The following LRP5 variants were observed in gnomAD, a reference collection of about 807,000 sequenced individuals.
LRP5 encodes the protein low-density lipoprotein receptor-related protein 5.
A neutral mutation model predicts 154.1 loss-of-function variants in LRP5; 62 were observed. That is an observed-to-expected ratio of 0.40 (90% CI 0.33 to 0.50). LRP5 has a LOEUF of 0.50. Ranked by LOEUF, LRP5 falls within the 20% of genes least tolerant of loss-of-function variation. LRP5 has a pLI of 0.55. For synonymous variants in LRP5, 966 were observed against 1,011.5 expected, an observed-to-expected ratio of 0.96 and a Z score of 0.85; for missense variants, 1,915 against 2,336.7, an observed-to-expected ratio of 0.82 and a Z score of 3.72.
chr11:68,412,638 G>A (rs371260330), intron 11 of LRP5, among the ~76,000 whole-genome samples: 1 of 149,284 alleles, frequency 6.7e-6, no homozygotes, highest in East Asian at 2.0e-4. Context: ...GAGTGAGACC[G>A]TCTCCAAAAA....
intron 1 of LRP5, among the ~76,000 whole-genome samples, chr11:68,321,654 T>A (rs1008821076): frequency 2.0e-5 from 3 of 152,162 alleles, no homozygotes; most frequent in Non-Finnish European, 4.4e-5. Flanking sequence ...CTCACTCCGG[T>A]GTCTGCTCAG....
At chr11:68,395,485 T>C (rs2098648777) in intron 7 of LRP5, among the ~76,000 whole-genome samples, 1 of 151,970 alleles carries the variant, frequency 6.6e-6, no homozygotes. Context: ...TGAGGAGTGA[T>C]GGCGCAGGGC....
At chr11:68,313,230 C>T (rs1440672056) in intron 1 of LRP5, among the ~76,000 whole-genome samples, 4 of 151,656 alleles carry the variant, frequency 2.6e-5, no homozygotes, top group Non-Finnish European at 5.9e-5. Flanking sequence ...GGCCGCGCGG[C>T]CGCCCCGCGT....
rs1447025720 is a variant in LRP5, at chr11:68,353,221, G to GACA, written c.489-4429_489-4428insACA. On this transcript the variant is annotated intron_variant, in intron 2 of 22. Transcript: ENST00000294304. This position sits in a 1 kb window ranked among gnomAD's most constrained non-coding sequence, Gnocchi z 4.5. ...AGCCCTCCCCAGGATCACACCTGTG[G>GACA]CTGTTCACTCCCACCCCTGCCCCTG... Among the ~76,000 whole-genome samples, 1 of 152,168 alleles carries GACA rather than the reference G, an allele frequency of 6.6e-6. No homozygotes were observed. Among genetic ancestry groups the GACA allele is most frequent in the Non-Finnish European group, 1.5e-5 (1 of 68,022 alleles).
chr11:68,331,942 T>G (rs1026448276), intron 1 of LRP5, among the ~76,000 whole-genome samples: 1 of 151,324 alleles, frequency 6.6e-6, no homozygotes, highest in Non-Finnish European at 1.5e-5. Context: ...GTGTGGGGAG[T>G]GGGGTGCTGT....
chr11:68,411,717 T>G, intron 11 of LRP5, 97 bp downstream of exon 11: 2 of 1,296,430 alleles, frequency 1.5e-6, no homozygotes, highest in Non-Finnish European at 2.1e-6. Context: ...GGCCTGCAAG[T>G]TCCCCAACCT....
Position 68,435,617 on chromosome 11 carries a change from G to C in LRP5, c.4001-1272G>C, listed in dbSNP as rs1366405085. 2.0e-5 allele frequency among the ~76,000 whole-genome samples: 3 copies of C among 152,284 alleles called. No individual in the cohort carries two copies. In the East Asian group the frequency reaches 5.8e-4, roughly 29 times the overall value. ...ACTGCGGAGAGGGCACCAGGCATCT[G>C]CTCCCATGACCCAAACACTGCCCAC... On this transcript the variant is annotated intron_variant, in intron 18 of 22. Transcript: ENST00000294304.
chr11:68,383,804 G>T (rs1368844133), intron 5 of LRP5, among the ~76,000 whole-genome samples: 5 of 152,172 alleles, frequency 3.3e-5, no homozygotes, highest in Admixed American at 1.3e-4. Flanking sequence ...AGGAGGTGGC[G>T]GGAGGAACAG....
At chr11:68,409,122 A>G (rs1193977260) in intron 9 of LRP5, among the ~76,000 whole-genome samples, 1 of 134,576 alleles carries the variant, frequency 7.4e-6, no homozygotes, top group African/African-American at 2.9e-5. Context: ...ACACACACAT[A>G]ATATAAAAAT....
chr11:68,431,002 G>A (rs1225158773), intron 17 of LRP5, among the ~76,000 whole-genome samples: 1 of 152,180 alleles, frequency 6.6e-6, no homozygotes, highest in Non-Finnish European at 1.5e-5. Flanking sequence ...GACACGTGAT[G>A]CACAGGAATG....
chr11:68,305,221 T>G, the LRP5 span, among the ~76,000 whole-genome samples: 1 of 151,938 alleles, frequency 6.6e-6, no homozygotes, highest in East Asian at 1.9e-4. Context: ...TCTCGTGAGA[T>G]CTGCTCATTT....
intron 13 of LRP5, among the ~76,000 whole-genome samples, chr11:68,417,245 A>G (rs1001544212): frequency 2.0e-5 from 3 of 152,072 alleles, no homozygotes; most frequent in Non-Finnish European, 4.4e-5. Context: ...AGGCGTGGAG[A>G]AGAGTGGGTC....
At chr11:68,338,556 T>A (rs2098606974) in intron 1 of LRP5, among the ~76,000 whole-genome samples, 1 of 152,196 alleles carries the variant, frequency 6.6e-6, no homozygotes, top group Non-Finnish European at 1.5e-5. Flanking sequence ...TGGGCGTTCC[T>A]GGGAGTGGCA....
chr11:68,341,059 CTTTTTTTTTT>C (rs576462333), intron 1 of LRP5, among the ~76,000 whole-genome samples: 2 of 83,496 alleles, frequency 2.4e-5, no homozygotes, highest in Non-Finnish European at 4.8e-5. Context: ...GGAGATTGTT[CTTTTTTTTTT>C]TTTTTTTTTG....
At chr11:68,373,869 T>C (rs1210829363) in intron 5 of LRP5, among the ~76,000 whole-genome samples, 2 of 152,180 alleles carry the variant, frequency 1.3e-5, no homozygotes, top group Non-Finnish European at 2.9e-5. Flanking sequence ...TTGACTTTTG[T>C]CTCCTGCACA....
At chr11:68,347,763 T>G in intron 1 of LRP5, 84 bp from the exon 2 acceptor site, 1 of 1,494,614 alleles carries the variant, frequency 6.7e-7, no homozygotes, top group Non-Finnish European at 9.3e-7. Flanking sequence ...GTACCAGGAG[T>G]GCTCTGGGCA....
chr11:68,446,425 G>T lies in LRP5; in HGVS notation c.4489-11G>T, dbSNP rs201761017. On this transcript the variant is annotated splice_polypyrimidine_tract_variant and intron_variant, in intron 21 of 22. Coordinates refer to ENST00000294304, the MANE Select transcript of LRP5 (RefSeq NM_002335.4). ...CGAGGCTCTAAGTCACCCTGGCTTGGCTCTCCTCAGATCCTGAACCCGCCG... is the reference window on the plus strand; with the variant it reads ...CGAGGCTCTAAGTCACCCTGGCTTGTCTCTCCTCAGATCCTGAACCCGCCG... The T allele has an allele frequency of 4.6e-5, 74 of 1,593,848 alleles. No individual in the cohort carries two copies. In the Middle Eastern group the frequency reaches 1.2e-3, roughly 25 times the overall value.
intron 3 of LRP5, among the ~76,000 whole-genome samples, chr11:68,361,260 C>G (rs1207075497): frequency 4.8e-5 from 7 of 145,876 alleles, no homozygotes; most frequent in African/African-American, 7.5e-5. Context: ...AGCTGAGATC[C>G]CGCCACTGCA....
At chr11:68,408,489 A>G (rs901304583) in intron 9 of LRP5, among the ~76,000 whole-genome samples, 1 of 152,154 alleles carries the variant, frequency 6.6e-6, no homozygotes, top group Admixed American at 6.6e-5. Flanking sequence ...AAAAGAAAGT[A>G]AAAATTGTCC....
Sources: allele counts gnomAD v4.1 joint callset (sites outside exome capture counted in the v4.1 genomes callset), GRCh38; gene constraint gnomAD v4.1.1; non-coding constraint Gnocchi (gnomAD v3.1); transcripts MANE v1.5; gene names NCBI Gene and HGNC (gene_info 2026-07-23, HGNC 2026-07-21).